Variants in GPT2 observed in about 807,000 individuals in gnomAD.
GPT2 encodes the protein glutamic--pyruvic transaminase 2, also known as alanine aminotransferase 2.
In GPT2, 30 loss-of-function variants were observed where a neutral mutation model predicts 56.9. The observed-to-expected ratio is 0.53, with a 90% CI of 0.39 to 0.72. The LOEUF (loss-of-function observed/expected upper bound fraction) is 0.72. GPT2 is among the 30% of genes least tolerant of loss of function. The pLI is 0.00. For synonymous variants in GPT2, 271 were observed against 283.1 expected (o/e 0.96, Z 0.43); for missense variants, 542 against 703.4 (o/e 0.77, Z 2.60).
At chr16:46,917,490 T>G (rs1567341617) in intron 7 of GPT2, among the ~76,000 whole-genome samples, 2 of 152,248 alleles carry the variant, frequency 1.3e-5, no homozygotes, top group African/African-American at 4.8e-5. Flanking sequence ...CTGTTGCTTC[T>G]TGAACTCCAG....
chr16:46,885,025 G>T, intron 2 of GPT2, 67 bp downstream of exon 2: 2 of 1,393,906 alleles, frequency 1.4e-6, no homozygotes, highest in Non-Finnish European at 1.9e-6. Context: ...AGCAGCCCCA[G>T]CTGGGGTCCT....
intron 6 of GPT2, among the ~76,000 whole-genome samples, chr16:46,914,453 C>CT (rs1166499979): frequency 7.2e-5 from 11 of 152,254 alleles, no homozygotes; most frequent in Non-Finnish European, 1.2e-4. Flanking sequence ...AAGAGAATCA[C>CT]TTGAACCCAG....
chr16:46,894,378 G>T (rs1960644209), intron 2 of GPT2, among the ~76,000 whole-genome samples: 2 of 152,358 alleles, frequency 1.3e-5, no homozygotes, highest in East Asian at 3.9e-4. Context: ...AAATCACCCA[G>T]GTTCAGCGAG....
chr16:46,926,508 C>T (rs978576025), intron 10 of GPT2, among the ~76,000 whole-genome samples: 8 of 152,134 alleles, frequency 5.3e-5, no homozygotes, highest in African/African-American at 9.7e-5. Flanking sequence ...AGAGGCTCCC[C>T]GGGTGGTCAT....
intron 2 of GPT2, among the ~76,000 whole-genome samples, chr16:46,887,044 C>T (rs1596857272): frequency 6.6e-6 from 1 of 152,208 alleles, no homozygotes; most frequent in Non-Finnish European, 1.5e-5. Context: ...CTTGCTTCCC[C>T]TTGCCAGCTT....
At chr16:46,891,616 T>A (rs1474187400) in intron 2 of GPT2, among the ~76,000 whole-genome samples, 5 of 152,120 alleles carry the variant, frequency 3.3e-5, no homozygotes, top group Admixed American at 2.0e-4. Context: ...CCCAAAGTGC[T>A]GGGATTACAG....
intron 2 of GPT2, among the ~76,000 whole-genome samples, chr16:46,890,092 C>T (rs1306854083): frequency 6.6e-6 from 1 of 152,258 alleles, no homozygotes; most frequent in Non-Finnish European, 1.5e-5. Context: ...TCTGGCAGCT[C>T]AGCCCTGGAG....
At chr16:46,915,848 A>G (rs1411027205) in intron 6 of GPT2, 1 of 146,342 alleles carries the variant, frequency 6.8e-6, no homozygotes, top group Non-Finnish European at 1.5e-5. Flanking sequence ...ACACCTACAC[A>G]CATACACAGA....
At chr16:46,901,489 T>G (rs1219564589) in intron 4 of GPT2, among the ~76,000 whole-genome samples, 1 of 152,246 alleles carries the variant, frequency 6.6e-6, no homozygotes, top group Non-Finnish European at 1.5e-5. Context: ...GTTTTTGTTC[T>G]GTCATTTTCT....
intron 9 of GPT2, 108 bp downstream of exon 9, chr16:46,922,524 G>C (rs138964862): frequency 8.8e-5 from 96 of 1,088,906 alleles, no homozygotes; most frequent in Middle Eastern, 2.9e-4. Flanking sequence ...CCTCCTGAGG[G>C]TGTGGCCTGC....
Position 46,898,747 on chromosome 16 carries a change from T to C in GPT2, c.333+1010T>C, listed in dbSNP as rs896596984. On this transcript the variant is annotated intron_variant, in intron 3 of 11. Transcript: ENST00000340124. ...GTATTTTTGGTAGAGATGGGGTTTC[T>C]CCATGTTGGCCAGGCTGGTTTCAAA... is the stretch of plus-strand genomic sequence containing the variant. 4.0e-5 allele frequency among the ~76,000 whole-genome samples: 6 copies of C among 151,366 alleles called. No individual in the cohort carries two copies. In the South Asian group the frequency reaches 1.0e-3, roughly 26 times the overall value.
chr16:46,896,040 A>G (rs957690481), intron 2 of GPT2, among the ~76,000 whole-genome samples: 29 of 152,182 alleles, frequency 1.9e-4, no homozygotes, highest in South Asian at 4.1e-4. Context: ...GGCTGTGGCC[A>G]CCACCTTGCT....
chr16:46,909,094 C>T (rs1960992407), intron 5 of GPT2, among the ~76,000 whole-genome samples: 1 of 152,014 alleles, frequency 6.6e-6, no homozygotes, highest in African/African-American at 2.4e-5. Flanking sequence ...TTTTAAGAGT[C>T]CCCTGTTGGG....
chr16:46,903,981 GA>G (rs1252418713), intron 4 of GPT2, among the ~76,000 whole-genome samples: 1 of 152,216 alleles, frequency 6.6e-6, no homozygotes, highest in Non-Finnish European at 1.5e-5. Flanking sequence ...GGATGAGTAA[GA>G]ACCTGCAAAT....
At chr16:46,897,516 G>A in intron 2 of GPT2, 132 bp from the exon 3 acceptor site, 2 of 738,784 alleles carry the variant, frequency 2.7e-6, no homozygotes, top group Non-Finnish European at 4.6e-6. Flanking sequence ...CAAAGGCCTG[G>A]CACCAAGTCA....
chr16:46,892,410 C>G (rs1480925269), intron 2 of GPT2, among the ~76,000 whole-genome samples: 7 of 152,216 alleles, frequency 4.6e-5, no homozygotes, highest in African/African-American at 1.7e-4. Flanking sequence ...GCGGACATCT[C>G]TTCAAGACAA....
chr16:46,918,305 G>T (rs1961212603), intron 7 of GPT2, among the ~76,000 whole-genome samples: 1 of 152,214 alleles, frequency 6.6e-6, no homozygotes, highest in South Asian at 2.1e-4. Flanking sequence ...AGGAGAGTCT[G>T]CTTGGGAGGA....
chr16:46,914,009 A>G (rs1231356471), intron 6 of GPT2, among the ~76,000 whole-genome samples: 1 of 152,284 alleles, frequency 6.6e-6, no homozygotes, highest in Non-Finnish European at 1.5e-5. Flanking sequence ...ACACAGGCAT[A>G]TAGTAAACAA....
At chr16:46,894,639 C>G (rs185833416) in intron 2 of GPT2, among the ~76,000 whole-genome samples, 72 of 152,166 alleles carry the variant, frequency 4.7e-4, no homozygotes, top group African/African-American at 1.5e-3. Flanking sequence ...TCTCCAGACA[C>G]AGTGGCTGCG....
Sources: allele counts gnomAD v4.1 joint callset (sites outside exome capture counted in the v4.1 genomes callset), GRCh38; gene constraint gnomAD v4.1.1; transcripts MANE v1.5; gene names NCBI Gene and HGNC (gene_info 2026-07-23, HGNC 2026-07-21).